Variants in CHST9 observed in about 807,000 individuals in gnomAD.
CHST9 encodes the protein GalNAc-4-sulfotransferase 2.
CHST9 carries 41 observed loss-of-function variants against 44.4 expected under a neutral mutation model. That is an observed-to-expected ratio of 0.92 (90% CI 0.72 to 1.20). CHST9 has a LOEUF of 1.20. Ranked by LOEUF, CHST9 falls within the 50% of genes most tolerant of loss-of-function variation. The pLI, the probability that CHST9 is intolerant of heterozygous loss-of-function variation, is 0.00. For synonymous variants in CHST9, 171 were observed against 178.4 expected (o/e 0.96, Z 0.33); for missense variants, 504 against 516.5 (o/e 0.98, Z 0.23).
chr18:27,037,004 G>A (rs1344514350), intron 3 of CHST9, among the ~76,000 whole-genome samples: 1 of 152,132 alleles, frequency 6.6e-6, no homozygotes, highest in Non-Finnish European at 1.5e-5. Flanking sequence ...TTACACCACT[G>A]CTGGGAAGAA....
chr18:27,045,707 T>A (rs533244844), intron 3 of CHST9, among the ~76,000 whole-genome samples: 45 of 152,132 alleles, frequency 3.0e-4, no homozygotes, highest in Admixed American at 9.8e-4. Context: ...GGATATAATT[T>A]GAATGGGTTT....
intron 2 of CHST9, among the ~76,000 whole-genome samples, chr18:27,061,888 C>A (rs1223216343): frequency 6.6e-6 from 1 of 152,146 alleles, no homozygotes. Flanking sequence ...AATTTCTATA[C>A]ATTTCTGGAA....
chr18:26,954,091 T>C (rs2056288966), intron 4 of CHST9, among the ~76,000 whole-genome samples: 1 of 152,160 alleles, frequency 6.6e-6, no homozygotes, highest in South Asian at 2.1e-4. Context: ...CATCAAATTG[T>C]ATTTTAATAA....
At chr18:26,965,423 G>A (rs2056451707) in intron 4 of CHST9, among the ~76,000 whole-genome samples, 1 of 152,120 alleles carries the variant, frequency 6.6e-6, no homozygotes. Context: ...CTCCAGTAAT[G>A]TCCTGTGCTT....
At chr18:26,958,933 G>A (rs8086337) in intron 4 of CHST9, among the ~76,000 whole-genome samples, 19,381 of 152,094 alleles carry the variant, frequency 0.13, 2,766 homozygotes, top group African/African-American at 0.36. Context: ...AACTTAAAAT[G>A]GAAGTTCCAT....
intron 3 of CHST9, among the ~76,000 whole-genome samples, chr18:27,042,304 G>A (rs1340896755): frequency 6.6e-6 from 1 of 152,124 alleles, no homozygotes; most frequent in Admixed American, 6.6e-5. Context: ...GCAGGGCAGT[G>A]CAAAATGACC....
intron 2 of CHST9, among the ~76,000 whole-genome samples, chr18:27,057,594 C>G (rs1020929941): frequency 1.3e-5 from 2 of 152,192 alleles, no homozygotes; most frequent in Admixed American, 6.5e-5. Flanking sequence ...GCAAAGAGAG[C>G]CATTATGAGC....
At chr18:27,139,514 T>TA (rs1292426665) in intron 2 of CHST9, among the ~76,000 whole-genome samples, 2 of 150,460 alleles carry the variant, frequency 1.3e-5, no homozygotes, top group Non-Finnish European at 3.0e-5. Flanking sequence ...TATATATATA[T>TA]AAAAAATAAA....
chr18:26,966,303 A>T (rs963966579), intron 4 of CHST9, among the ~76,000 whole-genome samples: 2 of 152,240 alleles, frequency 1.3e-5, no homozygotes, highest in African/African-American at 4.8e-5. Context: ...TTTCTAAAGA[A>T]ATCTCTTTTA....
intron 2 of CHST9, among the ~76,000 whole-genome samples, chr18:27,136,252 C>T (rs1171170999): frequency 6.6e-6 from 1 of 152,176 alleles, no homozygotes; most frequent in Non-Finnish European, 1.5e-5. Context: ...AGAAGGCTTA[C>T]TTGTGGAAAT....
intron 1 of CHST9, among the ~76,000 whole-genome samples, chr18:27,164,911 G>A (rs1001949342): frequency 2.6e-5 from 4 of 152,160 alleles, no homozygotes; most frequent in African/African-American, 9.7e-5. Context: ...GGTTGTGTGT[G>A]TAAAATAAAC....
chr18:27,054,421 A>G (rs999417499), intron 2 of CHST9, among the ~76,000 whole-genome samples: 4 of 152,194 alleles, frequency 2.6e-5, no homozygotes, highest in African/African-American at 9.6e-5. Context: ...CTTGCGATGA[A>G]TAAAAATGGA....
intron 4 of CHST9, among the ~76,000 whole-genome samples, chr18:26,961,903 T>G (rs2056404844): frequency 6.6e-6 from 1 of 152,174 alleles, no homozygotes; most frequent in African/African-American, 2.4e-5. Flanking sequence ...CATACCTGGT[T>G]TGAAAGTCTA....
At chr18:27,168,832 T>C (rs1169434906) in intron 1 of CHST9, among the ~76,000 whole-genome samples, 2 of 152,182 alleles carry the variant, frequency 1.3e-5, no homozygotes, top group African/African-American at 4.8e-5. Flanking sequence ...ATGTTCTTAA[T>C]AAGTTGACTT....
rs948866055 is a variant in CHST9, at chr18:27,146,824, T to C, written c.-96-3919A>G. 3.9e-5 allele frequency among the ~76,000 whole-genome samples: 6 copies of C among 152,090 alleles called. No individual in the cohort carries two copies. In the South Asian group the frequency reaches 1.2e-3, roughly 32 times the overall value. On this transcript the variant is annotated intron_variant, in intron 1 of 5. Coordinates refer to ENST00000618847, the MANE Select transcript of CHST9 (RefSeq NM_031422.6). ...GAGAAATACTAAAAGATAGGGTCGA[T>C]GTTTCTTTGTTAAAAATATTTTCAT...
chr18:27,122,514 AC>A (rs1303976774), intron 2 of CHST9, among the ~76,000 whole-genome samples: 13 of 152,238 alleles, frequency 8.5e-5, no homozygotes, highest in African/African-American at 2.7e-4. Context: ...GTACATAATT[AC>A]GCTAGTTTCA....
intron 2 of CHST9, among the ~76,000 whole-genome samples, chr18:27,114,837 G>A (rs1199427266): frequency 6.6e-6 from 1 of 152,072 alleles, no homozygotes; most frequent in East Asian, 1.9e-4. Context: ...CACATTTTAT[G>A]CAGAATACCA....
chr18:27,182,503 C>T (rs2058920522), intron 1 of CHST9, among the ~76,000 whole-genome samples: 1 of 152,068 alleles, frequency 6.6e-6, no homozygotes, highest in South Asian at 2.1e-4. Flanking sequence ...TATGAAAATG[C>T]TTTGGGACAT....
intron 2 of CHST9, among the ~76,000 whole-genome samples, chr18:27,107,314 G>C (rs539492952): frequency 2.0e-5 from 3 of 152,182 alleles, no homozygotes; most frequent in Non-Finnish European, 2.9e-5. Flanking sequence ...AGTATCAAAA[G>C]TGGACTAGGA....
Sources: gnomAD v4.1 joint callset for allele counts (sites outside exome capture counted in the v4.1 genomes callset) on GRCh38, gnomAD v4.1.1 for gene constraint, MANE v1.5 for transcripts, NCBI Gene and HGNC (gene_info 2026-07-23, HGNC 2026-07-21) for gene names.